EDNRB: variants seen among roughly 807,000 people sequenced by gnomAD.
EDNRB encodes the protein endothelin receptor type B.
Under a neutral mutation model 46.4 loss-of-function variants are expected in EDNRB, and 18 were observed. That is an observed-to-expected ratio of 0.39 (90% CI 0.27 to 0.57). The LOEUF is 0.57. EDNRB is among the 20% of genes least tolerant of loss of function. The pLI, the probability that EDNRB is intolerant of heterozygous loss-of-function variation, is 0.61. For missense variants in EDNRB, 434 were observed against 537.5 expected (o/e 0.81, Z 1.90); for synonymous variants, 213 against 204.9 (o/e 1.04, Z -0.34).
chr13:77,939,092 TA>T (rs1196026920), intron 1 of EDNRB: 3 of 151,928 alleles, frequency 2.0e-5, no homozygotes, highest in East Asian at 3.9e-4. Flanking sequence ...TAAAGGGAGA[TA>T]GGGGTGGGGC....
intron 1 of EDNRB, among the ~76,000 whole-genome samples, chr13:77,956,746 T>C (rs557665309): frequency 9.8e-5 from 15 of 152,342 alleles, no homozygotes; most frequent in African/African-American, 3.6e-4. Context: ...CTTTAGCAGC[T>C]TCTAGAGGCC....
At chr13:77,916,844 T>C (rs1418374895) in intron 1 of EDNRB, among the ~76,000 whole-genome samples, 1 of 152,214 alleles carries the variant, frequency 6.6e-6, no homozygotes, top group East Asian at 1.9e-4. Context: ...CTGCTGCTGC[T>C]GCTGCTGCTG....
intron 1 of EDNRB, among the ~76,000 whole-genome samples, chr13:77,926,457 C>T (rs1374925857): frequency 6.6e-6 from 1 of 152,174 alleles, no homozygotes; most frequent in African/African-American, 2.4e-5. Context: ...ATCTCTAGGG[C>T]AGGGCAAAAT....
At chr13:77,937,110 G>T (rs968674118) in intron 1 of EDNRB, among the ~76,000 whole-genome samples, 2 of 152,206 alleles carry the variant, frequency 1.3e-5, no homozygotes, top group African/African-American at 4.8e-5. Flanking sequence ...TGGGTCTAGG[G>T]CGGTAAAGCG....
At chr13:77,957,652 GTTGAATAA>G (rs1881279025) in intron 1 of EDNRB, among the ~76,000 whole-genome samples, 1 of 152,132 alleles carries the variant, frequency 6.6e-6, no homozygotes, top group Admixed American at 6.5e-5. Flanking sequence ...GATAATAATT[GTTGAATAA>G]ATGTCAGCTT....
At chr13:77,899,665 C>T (rs1878831590) in intron 6 of EDNRB, 194 bp downstream of exon 6, 4 of 537,630 alleles carry the variant, frequency 7.4e-6, no homozygotes, top group South Asian at 6.2e-5. Context: ...GAGTGGCTGA[C>T]TAGGATTTAT....
At chr13:77,931,783 ACCT>A (rs749010840) in intron 1 of EDNRB, among the ~76,000 whole-genome samples, 105 of 146,914 alleles carry the variant, frequency 7.1e-4, no homozygotes, top group Non-Finnish European at 9.9e-4. Flanking sequence ...AACAAAAAAA[ACCT>A]CCTCTTTTTA....
intron 1 of EDNRB, among the ~76,000 whole-genome samples, chr13:77,948,964 G>A (rs1881011379): frequency 2.6e-5 from 4 of 152,230 alleles, no homozygotes; most frequent in African/African-American, 7.2e-5. Flanking sequence ...TTTGGAAAAC[G>A]CTTACTTAAC....
intron 1 of EDNRB, among the ~76,000 whole-genome samples, chr13:77,965,017 T>A (rs868292364): frequency 1.9e-4 from 29 of 152,198 alleles, no homozygotes; most frequent in African/African-American, 7.0e-4. Flanking sequence ...TATGTAAGCA[T>A]CATTTATACT....
chr13:77,924,891 G>A (rs1334009373), intron 1 of EDNRB, among the ~76,000 whole-genome samples: 1 of 152,166 alleles, frequency 6.6e-6, no homozygotes, highest in Admixed American at 6.5e-5. Context: ...ATCCACCTAA[G>A]ATGTGACTTG....
intron 1 of EDNRB, 97 bp from the exon 2 acceptor site, chr13:77,903,704 T>A: frequency 2.0e-6 from 2 of 1,002,014 alleles, no homozygotes; most frequent in Non-Finnish European, 3.1e-6. Context: ...CAGAGTAGGA[T>A]AAACTCTGGT....
chr13:77,912,560 C>G lies in EDNRB; in HGVS notation c.483+5531G>C, dbSNP rs76376556. On this transcript the variant is annotated intron_variant, in intron 1 of 6. Coordinates refer to ENST00000646607, the MANE Select transcript of EDNRB (RefSeq NM_001122659.3). The stretch of plus-strand genomic sequence containing the variant: ...ATATGAGTGGAAAAAGCCCACTACT[C>G]TTATGTCTTCTGTATAACATCATTT... Among the ~76,000 whole-genome samples the G allele has an allele frequency of 2.3e-4, 35 of 152,190 alleles. 2 individuals are homozygous for G. In the East Asian group the frequency reaches 6.4e-3, roughly 28 times the overall value.
At chr13:77,905,983 T>G (rs897577055) in intron 1 of EDNRB, among the ~76,000 whole-genome samples, 2 of 151,950 alleles carry the variant, frequency 1.3e-5, no homozygotes, top group African/African-American at 4.8e-5. Context: ...AGATCACTGT[T>G]GCTGCCCAGT....
chr13:77,924,016 T>C (rs1880162089), upstream of EDNRB, among the ~76,000 whole-genome samples: 1 of 152,248 alleles, frequency 6.6e-6, no homozygotes, highest in Non-Finnish European at 1.5e-5. Context: ...CCGATTATGC[T>C]TTGAGATTTA....
chr13:77,959,752 G>A (rs1271333681), intron 1 of EDNRB, among the ~76,000 whole-genome samples: 1 of 152,194 alleles, frequency 6.6e-6, no homozygotes, highest in Non-Finnish European at 1.5e-5. Flanking sequence ...GCTAAAGGAG[G>A]AAGTTCGAAC....
chr13:77,943,790 C>A (rs1880819751), intron 1 of EDNRB, among the ~76,000 whole-genome samples: 1 of 151,980 alleles, frequency 6.6e-6, no homozygotes, highest in Non-Finnish European at 1.5e-5. Context: ...CAGAAATATA[C>A]CCACACTTCT....
intron 1 of EDNRB, among the ~76,000 whole-genome samples, chr13:77,970,320 G>T (rs912860743): frequency 1.3e-5 from 2 of 152,112 alleles, no homozygotes; most frequent in Admixed American, 1.3e-4. Context: ...GCTATAGAAC[G>T]TGTAGCAGGA....
intron 1 of EDNRB, among the ~76,000 whole-genome samples, chr13:77,960,980 A>G (rs1454527290): frequency 1.3e-5 from 2 of 152,222 alleles, no homozygotes; most frequent in Non-Finnish European, 2.9e-5. Flanking sequence ...GATCAATTCA[A>G]CAAGAAGAGT....
chr13:77,937,264 G>A (rs1312236812), intron 1 of EDNRB, among the ~76,000 whole-genome samples: 2 of 152,178 alleles, frequency 1.3e-5, no homozygotes, highest in African/African-American at 4.8e-5. Flanking sequence ...ATGTAATCTT[G>A]TCTAGCTATA....
Sources: allele counts gnomAD v4.1 joint callset (sites outside exome capture counted in the v4.1 genomes callset), GRCh38; gene constraint gnomAD v4.1.1; transcripts MANE v1.5; gene names NCBI Gene and HGNC (gene_info 2026-07-23, HGNC 2026-07-21).